The following DNAJC11 variants were observed in gnomAD, a reference collection of about 807,000 sequenced individuals.
DNAJC11 encodes the protein dnaJ homolog subfamily C member 11.
A neutral mutation model predicts 78.6 loss-of-function variants in DNAJC11; 15 were observed. That is an observed-to-expected ratio of 0.19 (90% CI 0.13 to 0.29). The LOEUF is 0.29. Among genes scored for constraint, DNAJC11 ranks in the 10% least tolerant of loss-of-function variants. DNAJC11 has a pLI of 1.00. For missense variants in DNAJC11, 547 were observed against 709.6 expected (o/e 0.77, Z 2.60); for synonymous variants, 292 against 272.1 (o/e 1.07, Z -0.72).
intron 4 of DNAJC11, among the ~76,000 whole-genome samples, chr1:6,654,586 G>T (rs1642100849): frequency 6.6e-6 from 1 of 152,136 alleles, no homozygotes; most frequent in African/African-American, 2.4e-5. Flanking sequence ...CACTGTATTT[G>T]CTCAAGGAAT....
intron 4 of DNAJC11, among the ~76,000 whole-genome samples, chr1:6,660,462 T>G (rs933111532): frequency 6.6e-6 from 1 of 152,110 alleles, no homozygotes; most frequent in African/African-American, 2.4e-5. Context: ...AGTCTTAATA[T>G]ATAATTTATA....
chr1:6,677,275 T>C (rs776781569), intron 3 of DNAJC11, among the ~76,000 whole-genome samples: 1 of 152,132 alleles, frequency 6.6e-6, no homozygotes, highest in African/African-American at 2.4e-5. Flanking sequence ...GCAAAATTTA[T>C]TGGGCATCAG....
chr1:6,693,703 T>A (rs1006198381), intron 1 of DNAJC11, among the ~76,000 whole-genome samples: 2 of 152,058 alleles, frequency 1.3e-5, no homozygotes, highest in African/African-American at 2.4e-5. Context: ...ATTATTTTTA[T>A]AGACGGAGTC....
chr1:6,652,041 T>C (rs775256432), intron 6 of DNAJC11, among the ~76,000 whole-genome samples: 1 of 151,884 alleles, frequency 6.6e-6, no homozygotes, highest in Non-Finnish European at 1.5e-5. Flanking sequence ...CCCAGGTCAC[T>C]GGGGCGGTCC....
chr1:6,645,256 C>A lies in DNAJC11; in HGVS notation c.895-130G>T. On this transcript the variant is annotated intron_variant, in intron 8 of 15. Transcript: ENST00000377577. The surrounding 1 kb of genome is among the most constrained non-coding windows in gnomAD (Gnocchi z 4.1). ...CTTTAAGGCAGGGGTCACGGTCTGG[C>A]AGCCGCAGTGAGTGCACCATGATTT... 4 of 677,336 alleles carry A rather than the reference C, an allele frequency of 5.9e-6. No homozygotes were observed. The highest frequency in any genetic ancestry group is 1.1e-5 in the Non-Finnish European group (4 of 376,464). 42.0% of individuals were successfully genotyped at this position (677,336 alleles called of 1,614,324 possible).
chr1:6,655,401 C>T (rs1470983062), intron 4 of DNAJC11, among the ~76,000 whole-genome samples: 2 of 152,192 alleles, frequency 1.3e-5, no homozygotes, highest in Non-Finnish European at 2.9e-5. Context: ...CTGTGGTATT[C>T]TACCCATGGA....
intron 7 of DNAJC11, among the ~76,000 whole-genome samples, chr1:6,646,194 A>G (rs928439426): frequency 6.6e-6 from 1 of 152,094 alleles, no homozygotes; most frequent in African/African-American, 2.4e-5. Context: ...GACTCCCCTC[A>G]GCCGCCCTAA....
At chr1:6,654,885 G>A (rs1056543405) in intron 4 of DNAJC11, among the ~76,000 whole-genome samples, 2 of 150,932 alleles carry the variant, frequency 1.3e-5, no homozygotes, top group Non-Finnish European at 2.9e-5. Context: ...TGCAACCTCC[G>A]CCTCCTGGGT....
intron 1 of DNAJC11, among the ~76,000 whole-genome samples, chr1:6,687,063 T>C (rs892081752): frequency 3.3e-5 from 5 of 152,262 alleles, no homozygotes; most frequent in Admixed American, 1.3e-4. Flanking sequence ...GTGTTTATTA[T>C]GATAGTTGGT....
intron 4 of DNAJC11, among the ~76,000 whole-genome samples, chr1:6,662,054 C>G (rs1287723123): frequency 4.7e-4 from 71 of 151,938 alleles, no homozygotes; most frequent in African/African-American, 1.6e-3. Flanking sequence ...AGGGCTCAAG[C>G]ATTCCTCCTG....
In DNAJC11 at chr1:6,699,907, G is replaced by A. The variant is rs146655697; in HGVS notation, c.72+1822C>T. 3.3e-5 allele frequency among the ~76,000 whole-genome samples: 5 copies of A among 152,238 alleles called. No homozygotes were observed. In the East Asian group the frequency reaches 9.7e-4, roughly 29 times the overall value. On this transcript the variant is annotated intron_variant, in intron 1 of 15. Coordinates refer to ENST00000377577, the MANE Select transcript of DNAJC11 (RefSeq NM_018198.4). ...ATAGTACAGTGGCCCATACATTCGA[G>A]GGATTCTTTCATGAGGTGCTCAGTA... is the stretch of plus-strand genomic sequence containing the variant.
At chr1:6,694,617 A>T (rs1433634306) in intron 1 of DNAJC11, among the ~76,000 whole-genome samples, 2 of 151,764 alleles carry the variant, frequency 1.3e-5, no homozygotes, top group Non-Finnish European at 2.9e-5. Context: ...CTGCACCTCC[A>T]CCTTAGGCTG....
intron 1 of DNAJC11, among the ~76,000 whole-genome samples, chr1:6,697,354 G>T (rs1453516055): frequency 2.0e-5 from 3 of 152,220 alleles, no homozygotes; most frequent in Non-Finnish European, 4.4e-5. Context: ...CCACGGACTG[G>T]TTTCATGGAA....
At chr1:6,641,983 T>C (rs1317881478) in intron 10 of DNAJC11, among the ~76,000 whole-genome samples, 4 of 152,060 alleles carry the variant, frequency 2.6e-5, no homozygotes, top group Non-Finnish European at 5.9e-5. Flanking sequence ...GGCTACTATG[T>C]TATACAAGGT....
rs190346413 is a variant in DNAJC11, at chr1:6,651,676, C to T, written c.631-74G>A. 64 of 1,111,656 alleles carry T rather than the reference C, an allele frequency of 5.8e-5. No individual in the cohort carries two copies. In the Middle Eastern group the frequency reaches 7.9e-4, roughly 14 times the overall value. 68.9% of individuals were successfully genotyped at this position (1,111,656 alleles called of 1,614,324 possible). ...GCAGCAACCCAGGCTCAGGTATGTA[C>T]CTCTAGGTATAATTCCTTCATTCAA... On this transcript the variant is annotated intron_variant, in intron 6 of 15. Transcript: ENST00000377577.
At position 6,639,764 on chromosome 1, in the gene DNAJC11, T is replaced by C. The variant is rs1641845777; in HGVS notation, c.1253+138A>G. On this transcript the variant is annotated intron_variant, in intron 11 of 15. Transcript: ENST00000377577. ...ACCAATCGTGACCCAGACATCAGCC[T>C]AAGTGCTTTACATGCATTACTTAAT... 3.4e-6 allele frequency: 3 copies of C among 880,700 alleles called. No individual in the cohort carries two copies. In the East Asian group the frequency reaches 8.5e-5, roughly 25 times the overall value. 54.6% of individuals were successfully genotyped at this position (880,700 alleles called of 1,614,324 possible).
intron 3 of DNAJC11, among the ~76,000 whole-genome samples, chr1:6,671,274 G>C (rs1381775270): frequency 6.6e-6 from 1 of 152,148 alleles, no homozygotes; most frequent in Admixed American, 6.5e-5. Context: ...ACAGAGTCTC[G>C]CTCTGTTGCC....
At chr1:6,689,508 C>G (rs1037166910) in intron 1 of DNAJC11, among the ~76,000 whole-genome samples, 24 of 152,104 alleles carry the variant, frequency 1.6e-4, no homozygotes, top group African/African-American at 5.6e-4. Context: ...AAGCAAGAGA[C>G]TTAAAAAGGG....
chr1:6,657,915 G>A (rs1374544617), intron 4 of DNAJC11, among the ~76,000 whole-genome samples: 1 of 152,242 alleles, frequency 6.6e-6, no homozygotes, highest in Non-Finnish European at 1.5e-5. Flanking sequence ...AAAGTGCTGG[G>A]ATTACAGGCG....
Sources: gnomAD v4.1 joint callset for allele counts (sites outside exome capture counted in the v4.1 genomes callset) on GRCh38, gnomAD v4.1.1 for gene constraint, Gnocchi (gnomAD v3.1) non-coding constraint, MANE v1.5 for transcripts, NCBI Gene and HGNC (gene_info 2026-07-23, HGNC 2026-07-21) for gene names.